Variants in ADGRB3 observed in about 807,000 individuals in gnomAD.
The protein encoded by ADGRB3 is adhesion G protein-coupled receptor B3.
A neutral mutation model predicts 193.4 loss-of-function variants in ADGRB3; 37 were observed. That is an observed-to-expected ratio of 0.19 (90% CI 0.15 to 0.25). ADGRB3 has a LOEUF of 0.25. Among genes scored for constraint, ADGRB3 ranks in the 10% least tolerant of loss-of-function variants. ADGRB3 has a pLI of 1.00. For missense variants in ADGRB3, 1,637 were observed against 1,852.9 expected (o/e 0.88, Z 2.14); for synonymous variants, 690 against 644.2 (o/e 1.07, Z -1.08).
In ADGRB3 at chr6:68,669,801, A is replaced by G. The variant is rs571229671; in HGVS notation, c.757+30369A>G. On this transcript the variant is annotated intron_variant, in intron 3 of 31. Coordinates refer to ENST00000370598, the MANE Select transcript of ADGRB3 (RefSeq NM_001704.3). ...CCTTTCTTTTGGGTATATACCCAAC[A>G]GTGAATATGGTAGCTCAATTTTTAG... Among the ~76,000 whole-genome samples, 3 of 152,000 alleles carry G rather than the reference A, an allele frequency of 2.0e-5. No individual in the cohort carries two copies. The South Asian group carries it at 6.2e-4, about 32-fold the overall frequency.
chr6:69,219,274 C>A (rs1013826169), intron 17 of ADGRB3, among the ~76,000 whole-genome samples: 1 of 151,436 alleles, frequency 6.6e-6, no homozygotes, highest in African/African-American at 2.4e-5. Flanking sequence ...TAGTTGGCTA[C>A]AAAAATTGGT....
intron 16 of ADGRB3, among the ~76,000 whole-genome samples, chr6:69,068,890 C>CA (rs1359272592): frequency 6.6e-6 from 1 of 152,174 alleles, no homozygotes; most frequent in Non-Finnish European, 1.5e-5. Flanking sequence ...CTACATTTCT[C>CA]ACTTCAGTGG....
intron 8 of ADGRB3, among the ~76,000 whole-genome samples, chr6:68,967,363 A>G (rs765952662): frequency 6.6e-6 from 1 of 152,222 alleles, no homozygotes; most frequent in South Asian, 2.1e-4. Flanking sequence ...GAAAACAACT[A>G]TTTAATCAGC....
chr6:69,224,055 A>G (rs1765956258), intron 17 of ADGRB3, among the ~76,000 whole-genome samples: 1 of 152,136 alleles, frequency 6.6e-6, no homozygotes, highest in African/African-American at 2.4e-5. Flanking sequence ...AACAGAGCAA[A>G]CAATAATACC....
intron 13 of ADGRB3, among the ~76,000 whole-genome samples, chr6:69,031,516 T>G (rs1051807313): frequency 1.6e-4 from 17 of 103,170 alleles, no homozygotes; most frequent in African/African-American, 3.8e-4. Context: ...GAATTTGAGT[T>G]GTCTCTTTCT....
chr6:69,124,544 G>T (rs546671310), intron 17 of ADGRB3, among the ~76,000 whole-genome samples: 3 of 152,084 alleles, frequency 2.0e-5, no homozygotes, highest in Non-Finnish European at 4.4e-5. Context: ...AGTGTTGTCG[G>T]GTTTACATAC....
At chr6:69,135,517 A>G (rs145705594) in intron 17 of ADGRB3, among the ~76,000 whole-genome samples, 50 of 152,176 alleles carry the variant, frequency 3.3e-4, no homozygotes, top group Non-Finnish European at 4.9e-4. Context: ...CTATACATGC[A>G]TTAATTTCTA....
At chr6:69,373,942 C>A (rs753178139) in intron 30 of ADGRB3, among the ~76,000 whole-genome samples, 2 of 152,000 alleles carry the variant, frequency 1.3e-5, no homozygotes, top group African/African-American at 2.4e-5. Context: ...AAAAACTGTT[C>A]TTTTTTCATC....
chr6:68,746,685 T>G (rs1766092389), intron 3 of ADGRB3, among the ~76,000 whole-genome samples: 1 of 152,090 alleles, frequency 6.6e-6, no homozygotes, highest in African/African-American at 2.4e-5. Flanking sequence ...CCTCTTCCCC[T>G]TGTCCCTGGT....
intron 8 of ADGRB3, among the ~76,000 whole-genome samples, chr6:68,957,726 CAT>C (rs1272411644): frequency 6.6e-6 from 1 of 152,124 alleles, no homozygotes; most frequent in African/African-American, 2.4e-5. Flanking sequence ...CTTTATCTCA[CAT>C]GATTGTTTCA....
In ADGRB3 at chr6:68,681,744, G is replaced by T. The variant is rs78588410; in HGVS notation, c.757+42312G>T. Among the ~76,000 whole-genome samples, 723 of 152,152 alleles carry T rather than the reference G, an allele frequency of 4.8e-3. 1 individual carries two copies. Among genetic ancestry groups the T allele is most frequent in the Non-Finnish European group, 7.5e-3 (508 of 68,006 alleles). The stretch of plus-strand genomic sequence containing the variant: ...AACAACAAAAATTAGATTATAATAG[G>T]ACTAGGCACTAGGTTAGTGTACTTT... On this transcript the variant is annotated intron_variant, in intron 3 of 31. Coordinates refer to ENST00000370598, the MANE Select transcript of ADGRB3 (RefSeq NM_001704.3).
chr6:68,787,268 C>A (rs1401191503), intron 3 of ADGRB3, among the ~76,000 whole-genome samples: 1 of 152,148 alleles, frequency 6.6e-6, no homozygotes, highest in Non-Finnish European at 1.5e-5. Context: ...TTTGCCCATT[C>A]AGTATGATAT....
chr6:68,657,982 G>C (rs947546493), intron 3 of ADGRB3, among the ~76,000 whole-genome samples: 8 of 151,306 alleles, frequency 5.3e-5, no homozygotes, highest in Non-Finnish European at 1.0e-4. Context: ...GATATTTTGA[G>C]AATTCAAATG....
chr6:68,714,463 G>T (rs960557997), intron 3 of ADGRB3, among the ~76,000 whole-genome samples: 1 of 151,656 alleles, frequency 6.6e-6, no homozygotes, highest in Non-Finnish European at 1.5e-5. Flanking sequence ...CCTAATAGCC[G>T]ATCTGGAAAA....
intron 3 of ADGRB3, among the ~76,000 whole-genome samples, chr6:68,660,830 T>C (rs549022948): frequency 3.2e-4 from 49 of 151,196 alleles, no homozygotes; most frequent in Non-Finnish European, 6.4e-4. Context: ...AAAACGTTAA[T>C]TTAACTCATG....
chr6:68,953,625 A>G (rs1767990153), intron 6 of ADGRB3, among the ~76,000 whole-genome samples: 1 of 152,236 alleles, frequency 6.6e-6, no homozygotes, highest in Admixed American at 6.5e-5. Context: ...AAAATAGACT[A>G]CATAACCAAT....
At chr6:69,060,134 A>G (rs1771686416) in intron 15 of ADGRB3, among the ~76,000 whole-genome samples, 1 of 152,066 alleles carries the variant, frequency 6.6e-6, no homozygotes, top group African/African-American at 2.4e-5. Flanking sequence ...AAATTGACAC[A>G]TATCTCTTCT....
chr6:68,640,352 C>T (rs192210955), intron 3 of ADGRB3, among the ~76,000 whole-genome samples: 1 of 152,206 alleles, frequency 6.6e-6, no homozygotes, highest in South Asian at 2.1e-4. Flanking sequence ...ACCCAATCCC[C>T]AGTGGGGGAG....
chr6:69,101,106 A>G (rs1773042466), intron 17 of ADGRB3, among the ~76,000 whole-genome samples: 1 of 151,840 alleles, frequency 6.6e-6, no homozygotes, highest in Non-Finnish European at 1.5e-5. Context: ...TTTTCCCCAG[A>G]TTAAGAACAC....
Sources: gnomAD v4.1 joint callset for allele counts (sites outside exome capture counted in the v4.1 genomes callset) on GRCh38, gnomAD v4.1.1 for gene constraint, MANE v1.5 for transcripts, NCBI Gene and HGNC (gene_info 2026-07-23, HGNC 2026-07-21) for gene names.